Variants in DNAH8 observed in about 807,000 individuals in gnomAD.
The protein encoded by DNAH8 is axonemal beta dynein heavy chain 8.
A neutral mutation model predicts 562.1 loss-of-function variants in DNAH8; 382 were observed. The ratio of observed to expected loss-of-function variants is 0.68; its 90% CI spans 0.63 to 0.74. The LOEUF is 0.74. DNAH8 is among the 30% of genes least tolerant of loss of function. The pLI, the probability that DNAH8 is intolerant of heterozygous loss-of-function variation, is 0.00. For missense variants in DNAH8, 5,203 were observed against 5,620.4 expected, an observed-to-expected ratio of 0.93 and a Z score of 2.37; for synonymous variants, 1,881 against 1,919.4, an observed-to-expected ratio of 0.98 and a Z score of 0.52.
rs1738229 is a variant in DNAH8, at chr6:38,807,560, T to G, written c.3151-50T>G. 0.3 allele frequency: 300,049 copies of G among 986,564 alleles called. 47,573 individuals carry two copies. The highest frequency in any genetic ancestry group is 0.45 in the East Asian group (16,014 of 35,240). 61.1% of individuals were successfully genotyped at this position (986,564 alleles called of 1,614,324 possible). A position where few individuals can be genotyped will look rare whatever the true frequency, so the allele number is the denominator to read the frequency against. ...TTCTGTCATTGTTTTGGGGATGCTC[T>G]AGGTTTTTTGGAGGAGAGATACCAA... On this transcript the variant is annotated intron_variant, in intron 23 of 92. Coordinates refer to ENST00000327475, the MANE Select transcript of DNAH8 (RefSeq NM_001206927.2).
chr6:38,993,547 C>G lies in DNAH8; in HGVS notation c.13214+3375C>G, dbSNP rs1764933018. The stretch of plus-strand genomic sequence containing the variant: ...TTAGAGAAGTCTCAGACCCTTTCAA[C>G]CCATTTCCCTCTTCTTTTATGGGTA... On this transcript the variant is annotated intron_variant, in intron 88 of 92. Transcript: ENST00000327475. 2.0e-5 allele frequency among the ~76,000 whole-genome samples: 3 copies of G among 152,182 alleles called. No individual in the cohort carries two copies. The South Asian group carries it at 6.2e-4, about 32-fold the overall frequency.
intron 1 of DNAH8, among the ~76,000 whole-genome samples, chr6:38,717,686 ATTC>A (rs563240052): frequency 1.3e-5 from 2 of 150,976 alleles, no homozygotes; most frequent in East Asian, 3.9e-4. Context: ...GAAAGTAAAA[ATTC>A]TTCTTCTACT....
Position 38,886,918 on chromosome 6 carries a change from G to T in DNAH8, c.8387G>T (p.Arg2796Leu), listed in dbSNP as rs576946348. The change falls in exon 57 of 93, where the codon CGA (arginine) becomes CTA (leucine). Residue 2796 changes from arginine to leucine, a missense_variant. Coordinates refer to ENST00000327475, the MANE Select transcript of DNAH8 (RefSeq NM_001206927.2). ...IAAMIHPGGG[R>L]NDIPQRLKRQ... ...GCAATGATCCACCCTGGAGGTGGTC[G>T]AAATGATATTCCACAACGTTTAAAA... 6 of 1,613,906 alleles carry T rather than the reference G, an allele frequency of 3.7e-6. No homozygotes were observed. In the South Asian group the frequency reaches 5.5e-5, roughly 15 times the overall value.
At chr6:38,967,327 A>C (rs1763039741) in intron 82 of DNAH8, among the ~76,000 whole-genome samples, 1 of 152,082 alleles carries the variant, frequency 6.6e-6, no homozygotes, top group East Asian at 1.9e-4. Context: ...TCTACATTGG[A>C]AAGGAAGAAG....
Position 38,908,026 on chromosome 6 carries a change from A to G in DNAH8, c.9419A>G (p.Glu3140Gly). The change falls in exon 64 of 93, where the codon GAG becomes GGG. Residue 3140 changes from glutamate to glycine, a missense_variant. Physicochemically the swap from Glu to Gly is moderately conservative, Grantham distance 98. Transcript: ENST00000327475. ...GGTCTGATTTCAGTGATGAAGAGGG[A>G]GCTACCTCGCCATCCTCCTACCTTT... ...TQGLISVMKR[E>G]LPRHPPTFDN... The G allele has an allele frequency of 6.2e-7, 1 of 1,612,986 alleles. No individual in the cohort carries two copies. Among genetic ancestry groups the G allele is most frequent in the Non-Finnish European group, 8.5e-7 (1 of 1,179,530 alleles).
At chr6:38,723,780 G>T (rs1052223381) in intron 3 of DNAH8, among the ~76,000 whole-genome samples, 1 of 152,038 alleles carries the variant, frequency 6.6e-6, no homozygotes, top group Non-Finnish European at 1.5e-5. Flanking sequence ...GGAGGCTGAG[G>T]TGGGAGGATC....
rs1452719458 is a variant in DNAH8, at chr6:38,783,146, A to G, written c.2395+7A>G. The G allele has an allele frequency of 4.3e-6, 7 of 1,612,858 alleles. No homozygotes were observed. The highest frequency in any genetic ancestry group is 2.2e-5 in the East Asian group (1 of 44,872). Reference sequence around the variant, plus strand: ...ATTTCACAGTTGCATTACGGTGTGTATAACACTGCCATGAGCCTACAAAGT... The same window carrying G: ...ATTTCACAGTTGCATTACGGTGTGTGTAACACTGCCATGAGCCTACAAAGT... On this transcript the variant is annotated splice_region_variant and intron_variant, in intron 17 of 92. Transcript: ENST00000327475.
At chr6:38,792,425 G>A (rs1166997664) in intron 21 of DNAH8, among the ~76,000 whole-genome samples, 3 of 152,016 alleles carry the variant, frequency 2.0e-5, no homozygotes, top group East Asian at 3.9e-4. Context: ...TTGAGTTTCA[G>A]CCTGTTCTTT....
rs934196002 is a variant in DNAH8 at position 38,857,637 on chromosome 6, T to C, written c.5853T>C (p.Asn1951=). The C allele has an allele frequency of 4.3e-6, 7 of 1,613,656 alleles. No individual in the cohort carries two copies. The highest frequency in any genetic ancestry group is 5.9e-6 in the Non-Finnish European group (7 of 1,179,626). The change falls in exon 42 of 93, where the codon AAT becomes AAC. Residue 1951 remains asparagine (N), a synonymous_variant. Transcript: ENST00000327475. ...VTNQKFLDIL[N]TLISQTTHDL... ...ATCAGAAATTTTTGGATATTCTAAA[T>C]ACTCTCATTAGTCAGACAACACATG...
chr6:38,813,283 G>T (rs1330802694), intron 24 of DNAH8, among the ~76,000 whole-genome samples: 1 of 152,118 alleles, frequency 6.6e-6, no homozygotes, highest in Non-Finnish European at 1.5e-5. Context: ...TTGTTTGCTT[G>T]CTTTCTTTTT....
chr6:38,996,687 A>T (rs1233738780), intron 88 of DNAH8, among the ~76,000 whole-genome samples: 2 of 151,914 alleles, frequency 1.3e-5, no homozygotes, highest in African/African-American at 2.4e-5. Context: ...ACAGGTCTCA[A>T]GGGGGGACTG....
Position 38,873,023 on chromosome 6 carries a change from T to A in DNAH8, c.7355T>A (p.Met2452Lys), listed in dbSNP as rs376153263. 6.2e-7 allele frequency: 1 copy of A among 1,614,130 alleles called. No homozygotes were observed. The highest frequency in any genetic ancestry group is 8.5e-7 in the Non-Finnish European group (1 of 1,179,994). Residue 2452 changes from methionine to lysine, a missense_variant, in exon 51 of 93, where the codon ATG becomes AAG. Physicochemically the swap from Met to Lys is moderately conservative, Grantham distance 95 (BLOSUM62 -1). This residue lies in a region of DNAH8 where 977 missense variants were observed against 1,061.8 expected (regional missense o/e 0.92). Transcript: ENST00000327475. ...TTAGCTAATGGAGATCGCATTCCCA[T>A]GGCCCCTAGTTGTAAGCTTCTGTTT... is the stretch of plus-strand genomic sequence containing the variant. ...LTLANGDRIP[M>K]APSCKLLFEV...
At chr6:38,959,818 A>G (rs1040621118) in intron 82 of DNAH8, among the ~76,000 whole-genome samples, 16 of 152,046 alleles carry the variant, frequency 1.1e-4, no homozygotes, top group African/African-American at 3.4e-4. Flanking sequence ...AGCAGTCTTG[A>G]GCATTAAAAA....
intron 21 of DNAH8, among the ~76,000 whole-genome samples, chr6:38,794,469 A>C (rs529513620): frequency 2.6e-5 from 4 of 152,346 alleles, no homozygotes; most frequent in South Asian, 2.1e-4. Context: ...ACGTTTACAT[A>C]TGATACACCC....
chr6:38,750,654 A>G (rs765460224), intron 9 of DNAH8, 65 bp downstream of exon 9: 2 of 1,011,656 alleles, frequency 2.0e-6, no homozygotes, highest in Non-Finnish European at 3.0e-6. Flanking sequence ...GATTCTAGCT[A>G]CTCAGAAGGC....
Position 38,913,831 on chromosome 6 carries a change from ATG to A in DNAH8, c.9860-12_9860-11del. 1 of 1,566,450 alleles carries A rather than the reference ATG, an allele frequency of 6.4e-7. No individual in the cohort carries two copies. Among genetic ancestry groups the A allele is most frequent in the Non-Finnish European group, 8.8e-7 (1 of 1,137,428 alleles). ...ATACCTGTACTCAGTAAAGGTATAT[ATG>A]TGTGTATTTGTAAAGGTCTTGATAA... On this transcript the variant is annotated splice_polypyrimidine_tract_variant and intron_variant, in intron 66 of 92. Transcript: ENST00000327475.
chr6:38,879,597 G>A (rs192258947), intron 53 of DNAH8, among the ~76,000 whole-genome samples: 126 of 152,254 alleles, frequency 8.3e-4, no homozygotes, highest in African/African-American at 2.9e-3. Flanking sequence ...TACAGCTAAC[G>A]TTATACGGAA....
intron 57 of DNAH8, among the ~76,000 whole-genome samples, chr6:38,887,664 A>G (rs796364446): frequency 1.1e-4 from 16 of 152,234 alleles, no homozygotes; most frequent in African/African-American, 2.2e-4. Flanking sequence ...CTATGATCAC[A>G]TTGCTGCATT....
At chr6:39,023,884 G>T (rs1767098149) in intron 91 of DNAH8, among the ~76,000 whole-genome samples, 1 of 152,176 alleles carries the variant, frequency 6.6e-6, no homozygotes, top group Non-Finnish European at 1.5e-5. Flanking sequence ...TTTCTTAATA[G>T]TACAAGGTAA....
Sources: gnomAD v4.1 joint callset for allele counts (sites outside exome capture counted in the v4.1 genomes callset) on GRCh38, gnomAD v4.1.1 for gene constraint, gnomAD v4.1.1 regional missense constraint, MANE v1.5 for transcripts, NCBI Gene and HGNC (gene_info 2026-07-23, HGNC 2026-07-21) for gene names.